The following CTNNA1 variants were observed in gnomAD, a reference collection of about 807,000 sequenced individuals.
CTNNA1 encodes catenin alpha 1.
In CTNNA1, 37 loss-of-function variants were observed where a neutral mutation model predicts 98.4. That is an observed-to-expected ratio of 0.38 (90% CI 0.29 to 0.49). CTNNA1 has a LOEUF of 0.49. Among genes scored for constraint, CTNNA1 ranks in the 20% least tolerant of loss-of-function variants. CTNNA1 has a pLI of 0.95. For synonymous variants in CTNNA1, 404 were observed against 413.2 expected (o/e 0.98, Z 0.27); for missense variants, 761 against 1,147.2 (o/e 0.66, Z 4.86).
chr5:138,815,219 G>T (rs1026290556), intron 5 of CTNNA1, among the ~76,000 whole-genome samples: 1 of 151,558 alleles, frequency 6.6e-6, no homozygotes, highest in African/African-American at 2.4e-5. Flanking sequence ...TTTTTTTCAT[G>T]TGTTTTTTTT....
At chr5:138,826,222 C>A (rs1473824884) in intron 6 of CTNNA1, among the ~76,000 whole-genome samples, 1 of 152,102 alleles carries the variant, frequency 6.6e-6, no homozygotes, top group Non-Finnish European at 1.5e-5. Context: ...AGTTTGAAAA[C>A]TGAGGGTTCT....
chr5:138,831,708 ATTG>A (rs1261066527), intron 7 of CTNNA1, among the ~76,000 whole-genome samples: 6 of 152,270 alleles, frequency 3.9e-5, no homozygotes, highest in African/African-American at 7.2e-5. Context: ...ACTCCCTTGA[ATTG>A]TTGTTTAATT....
chr5:138,832,219 G>C (rs771458088), intron 7 of CTNNA1, among the ~76,000 whole-genome samples: 3 of 152,182 alleles, frequency 2.0e-5, no homozygotes, highest in Non-Finnish European at 4.4e-5. Flanking sequence ...TGAAGAGTTG[G>C]TAGGTAGTCT....
chr5:138,826,067 T>C (rs1019110643), intron 6 of CTNNA1, among the ~76,000 whole-genome samples: 1 of 152,256 alleles, frequency 6.6e-6, no homozygotes, highest in Non-Finnish European at 1.5e-5. Context: ...ATTAAAATTC[T>C]ATGACCATTC....
At position 138,860,181 on chromosome 5, in the gene CTNNA1, A is replaced by G. The variant is rs73263457; in HGVS notation, c.1063-26031A>G. Among the ~76,000 whole-genome samples the G allele has an allele frequency of 1.3e-3, 196 of 152,324 alleles. 1 individual carries two copies. Among genetic ancestry groups the G allele is most frequent in the African/African-American group, 4.4e-3 (183 of 41,572 alleles). On this transcript the variant is annotated intron_variant, in intron 7 of 17. Coordinates refer to ENST00000302763, the MANE Select transcript of CTNNA1 (RefSeq NM_001903.5). ...ATTGTTTTTGGAAAGCCAGTGATTTATGTTTTTACTGGAAATATATTTGTT... is the reference window on the plus strand; with the variant it reads ...ATTGTTTTTGGAAAGCCAGTGATTTGTGTTTTTACTGGAAATATATTTGTT...
At position 138,897,705 on chromosome 5, in the gene CTNNA1, A is replaced by G. The variant is rs1382044862; in HGVS notation, c.1297-6644A>G. On this transcript the variant is annotated intron_variant, in intron 9 of 17. Transcript: ENST00000302763. ...TAGCTTGATTTTTCTCACATATTCA[A>G]GGGTTTGTAAGTTCAGACCCTTACT... Among the ~76,000 whole-genome samples, 3 of 152,188 alleles carry G rather than the reference A, an allele frequency of 2.0e-5. No homozygotes were observed. In the East Asian group the frequency reaches 5.8e-4, roughly 29 times the overall value.
intron 10 of CTNNA1, chr5:138,904,684 C>T (rs113214716): frequency 6.8e-5 from 30 of 442,192 alleles, no homozygotes; most frequent in African/African-American, 3.4e-4. Flanking sequence ...GGGCTGGGCA[C>T]GGTGGCTCAC....
intron 11 of CTNNA1, among the ~76,000 whole-genome samples, chr5:138,921,162 TA>T (rs1489865787): frequency 6.6e-6 from 1 of 152,204 alleles, no homozygotes; most frequent in Non-Finnish European, 1.5e-5. Flanking sequence ...ACCAATCCCT[TA>T]AGGAGAGTGG....
chr5:138,791,747 T>A (rs1484948496), intron 3 of CTNNA1, among the ~76,000 whole-genome samples: 2 of 150,654 alleles, frequency 1.3e-5, no homozygotes, highest in African/African-American at 4.9e-5. Flanking sequence ...GTACCTATAG[T>A]TGATTTGTGA....
intron 7 of CTNNA1, among the ~76,000 whole-genome samples, chr5:138,863,741 G>A (rs1288524433): frequency 1.3e-5 from 2 of 152,220 alleles, no homozygotes; most frequent in Non-Finnish European, 1.5e-5. Context: ...TCGCAAGGCT[G>A]ATTGAGGTGG....
chr5:138,783,089 A>C (rs1755309819), intron 2 of CTNNA1, 88 bp from the exon 3 acceptor site: 1 of 1,048,040 alleles, frequency 9.5e-7, no homozygotes, highest in Admixed American at 3.0e-5. Context: ...GTGATTTTTT[A>C]AAAGAATAAC....
At chr5:138,791,757 A>T (rs1756399037) in intron 3 of CTNNA1, among the ~76,000 whole-genome samples, 1 of 140,058 alleles carries the variant, frequency 7.1e-6, no homozygotes, top group Non-Finnish European at 1.5e-5. Context: ...TTGATTTGTG[A>T]GCATACTCTA....
chr5:138,877,886 T>TGG (rs1752013589), intron 7 of CTNNA1, among the ~76,000 whole-genome samples: 1 of 152,130 alleles, frequency 6.6e-6, no homozygotes, highest in African/African-American at 2.4e-5. Context: ...GTTAGTTCCT[T>TGG]GGGGAGAAAA....
chr5:138,785,214 A>G (rs1755544780), intron 3 of CTNNA1, among the ~76,000 whole-genome samples: 1 of 151,176 alleles, frequency 6.6e-6, no homozygotes, highest in South Asian at 2.1e-4. Flanking sequence ...GGCGCCCGCC[A>G]CTACGCCCGG....
chr5:138,815,402 C>T (rs1023221631), intron 5 of CTNNA1, among the ~76,000 whole-genome samples: 3 of 152,106 alleles, frequency 2.0e-5, no homozygotes, highest in Non-Finnish European at 4.4e-5. Context: ...TTTGTGGGCT[C>T]CTGCTTGGGC....
At chr5:138,908,656 C>T (rs185675176) in intron 10 of CTNNA1, among the ~76,000 whole-genome samples, 10 of 152,158 alleles carry the variant, frequency 6.6e-5, no homozygotes, top group Non-Finnish European at 1.3e-4. Flanking sequence ...CAGAGTATGA[C>T]CCCTTTGACC....
chr5:138,909,846 T>A (rs1334428916), intron 10 of CTNNA1, among the ~76,000 whole-genome samples: 1 of 152,150 alleles, frequency 6.6e-6, no homozygotes, highest in Non-Finnish European at 1.5e-5. Flanking sequence ...TAGCTCTAGG[T>A]GGGAAAATAC....
At chr5:138,902,600 T>C (rs1334670584) in intron 9 of CTNNA1, among the ~76,000 whole-genome samples, 4 of 152,180 alleles carry the variant, frequency 2.6e-5, no homozygotes, top group Admixed American at 1.3e-4. Flanking sequence ...TTTTGTATTT[T>C]AGTAGAGACG....
intron 7 of CTNNA1, among the ~76,000 whole-genome samples, chr5:138,876,424 ATGG>A (rs1751533788): frequency 6.6e-6 from 1 of 152,174 alleles, no homozygotes; most frequent in Non-Finnish European, 1.5e-5. Flanking sequence ...TCCCTGTTGA[ATGG>A]TGTCTTCACT....
Sources: allele counts gnomAD v4.1 joint callset (sites outside exome capture counted in the v4.1 genomes callset), GRCh38; gene constraint gnomAD v4.1.1; transcripts MANE v1.5; gene names NCBI Gene and HGNC (gene_info 2026-07-23, HGNC 2026-07-21).